SMAP1: variants seen among roughly 807,000 people sequenced by gnomAD.
SMAP1 encodes the protein stromal membrane-associated protein 1.
SMAP1 carries 24 observed loss-of-function variants against 58.5 expected under a neutral mutation model. The observed-to-expected ratio is 0.41, with a 90% CI of 0.30 to 0.58. The LOEUF (loss-of-function observed/expected upper bound fraction) is 0.58, where lower values mean the gene tolerates loss of function less well. Ranked by LOEUF, SMAP1 falls within the 20% of genes least tolerant of loss-of-function variation. The probability of loss-of-function intolerance (pLI) is 0.29; values close to 1 mark genes in which losing one functional copy is unlikely to be tolerated. For missense variants in SMAP1, 563 were observed against 566.3 expected, an observed-to-expected ratio of 0.99 and a Z score of 0.06; for synonymous variants, 216 against 196.6, an observed-to-expected ratio of 1.10 and a Z score of -0.82.
chr6:70,703,080 C>G (rs1767700677), intron 1 of SMAP1, among the ~76,000 whole-genome samples: 2 of 151,298 alleles, frequency 1.3e-5, no homozygotes, highest in African/African-American at 4.9e-5. Flanking sequence ...TTCCTTTTTT[C>G]ACGACTTTTT....
chr6:70,808,853 C>G (rs146870990), intron 6 of SMAP1, among the ~76,000 whole-genome samples: 135 of 149,460 alleles, frequency 9.0e-4, no homozygotes, highest in African/African-American at 3.0e-3. Context: ...AACACAAAGT[C>G]TAATTTAGGA....
intron 6 of SMAP1, among the ~76,000 whole-genome samples, chr6:70,830,949 A>T (rs1043047533): frequency 2.6e-5 from 4 of 152,226 alleles, no homozygotes; most frequent in African/African-American, 9.6e-5. Context: ...TGGATTATTT[A>T]AATTGCCTTG....
At chr6:70,825,468 C>G (rs1309890587) in intron 6 of SMAP1, among the ~76,000 whole-genome samples, 1 of 151,400 alleles carries the variant, frequency 6.6e-6, no homozygotes, top group African/African-American at 2.4e-5. Flanking sequence ...TGTGTAAAAA[C>G]AAGAATAACA....
At chr6:70,728,072 A>G (rs1469877059) in intron 1 of SMAP1, among the ~76,000 whole-genome samples, 3 of 152,120 alleles carry the variant, frequency 2.0e-5, no homozygotes, top group African/African-American at 7.2e-5. Context: ...TCAAAGAAAA[A>G]AAAAAGTGGC....
Position 70,861,810 on chromosome 6 carries a change from A to ACAT in SMAP1, c.*1476_*1477insCAT, listed in dbSNP as rs1771746058. 1.2e-6 allele frequency: 2 copies of ACAT among 1,613,964 alleles called. No homozygotes were observed. On this transcript the variant is annotated 3_prime_UTR_variant, in exon 11 of 11. Coordinates refer to ENST00000370455, the MANE Select transcript of SMAP1 (RefSeq NM_001044305.3). Reference sequence around the variant, plus strand: ...TTCATGGTGACACTCGAGGTCGGGCAGCACAAGTGTAATGAATACCTTAGT... The same window carrying ACAT: ...TTCATGGTGACACTCGAGGTCGGGCACATGCACAAGTGTAATGAATACCTTAGT...
chr6:70,689,783 T>C (rs1767082897), intron 1 of SMAP1, among the ~76,000 whole-genome samples: 1 of 152,190 alleles, frequency 6.6e-6, no homozygotes, highest in Non-Finnish European at 1.5e-5. Flanking sequence ...GCCTTCCTTA[T>C]TTTTTGTTAG....
rs556321153 is a variant in SMAP1 at position 70,675,129 on chromosome 6, C to T, written c.118+6988C>T. Among the ~76,000 whole-genome samples, 3 of 146,226 alleles carry T rather than the reference C, an allele frequency of 2.1e-5. No homozygotes were observed. The South Asian group carries it at 6.4e-4, about 31-fold the overall frequency. On this transcript the variant is annotated intron_variant, in intron 1 of 10. Transcript: ENST00000370455. ...TAGAGATAGGGTAGCTCCATTGTGA[C>T]CTGGAGAATGTTAAAAAAAAAAAAA...
chr6:70,839,559 TAGC>T (rs1770724138), intron 7 of SMAP1, among the ~76,000 whole-genome samples: 1 of 152,200 alleles, frequency 6.6e-6, no homozygotes, highest in Non-Finnish European at 1.5e-5. Flanking sequence ...AAAGTTCATT[TAGC>T]AGGAGAAGTT....
intron 9 of SMAP1, 99 bp from the exon 10 acceptor site, chr6:70,857,823 C>A: frequency 2.3e-6 from 3 of 1,314,642 alleles, no homozygotes; most frequent in Non-Finnish European, 3.2e-6. Flanking sequence ...AAAATGTTTG[C>A]TGTGAGTAGT....
chr6:70,821,546 G>A (rs1204066295), intron 6 of SMAP1, among the ~76,000 whole-genome samples: 1 of 152,146 alleles, frequency 6.6e-6, no homozygotes, highest in Non-Finnish European at 1.5e-5. Context: ...CTTTAAATGA[G>A]TAAATTTAAT....
chr6:70,854,632 A>G (rs1457643934), intron 8 of SMAP1, among the ~76,000 whole-genome samples: 1 of 152,118 alleles, frequency 6.6e-6, no homozygotes, highest in Non-Finnish European at 1.5e-5. Context: ...GGAAAAAAAA[A>G]AAAATCCAGA....
intron 1 of SMAP1, among the ~76,000 whole-genome samples, chr6:70,681,723 T>C (rs1581990541): frequency 1.3e-5 from 2 of 152,156 alleles, no homozygotes; most frequent in East Asian, 3.8e-4. Context: ...AATGAGTACT[T>C]TGAAAACATT....
In SMAP1 at chr6:70,836,906, A is replaced by C. The variant is rs903649236; in HGVS notation, c.577-35A>C. 8 of 1,478,394 alleles carry C rather than the reference A, an allele frequency of 5.4e-6. No individual in the cohort carries two copies. In the African/African-American group the frequency reaches 5.8e-5, roughly 11 times the overall value. 91.6% of individuals were successfully genotyped at this position (1,478,394 alleles called of 1,614,324 possible). The stretch of plus-strand genomic sequence containing the variant: ...CTTAAAATCTTGTTAAATTTACTTA[A>C]GAAAAATTAATAAATCCAATTATTT... On this transcript the variant is annotated intron_variant, in intron 6 of 10. Coordinates refer to ENST00000370455, the MANE Select transcript of SMAP1 (RefSeq NM_001044305.3).
At chr6:70,676,409 C>T (rs541760178) in intron 1 of SMAP1, among the ~76,000 whole-genome samples, 1 of 152,190 alleles carries the variant, frequency 6.6e-6, no homozygotes. Flanking sequence ...CAAGGATGAA[C>T]ATTAGAGGCT....
intron 1 of SMAP1, chr6:70,668,524 A>C (rs917669794): frequency 2.6e-6 from 4 of 1,516,132 alleles, no homozygotes; most frequent in East Asian, 2.5e-5. Flanking sequence ...AGCTCTGCTC[A>C]TAGCTATCTC....
chr6:70,744,608 T>C (rs891155469), intron 2 of SMAP1, among the ~76,000 whole-genome samples: 5 of 152,360 alleles, frequency 3.3e-5, no homozygotes, highest in Admixed American at 2.0e-4. Flanking sequence ...GTCTTTGTTA[T>C]TGTGAATAGT....
At chr6:70,815,723 G>A (rs1034692323) in intron 6 of SMAP1, among the ~76,000 whole-genome samples, 9 of 152,068 alleles carry the variant, frequency 5.9e-5, no homozygotes, top group African/African-American at 2.2e-4. Flanking sequence ...ACTGAAACAG[G>A]ATGATTGCTG....
intron 3 of SMAP1, among the ~76,000 whole-genome samples, chr6:70,757,176 G>T (rs1766528963): frequency 6.6e-6 from 1 of 151,084 alleles, no homozygotes; most frequent in African/African-American, 2.4e-5. Context: ...CAGAGATATA[G>T]ATCAATGGAA....
chr6:70,758,754 G>A (rs1008584102), intron 3 of SMAP1, among the ~76,000 whole-genome samples: 4 of 152,182 alleles, frequency 2.6e-5, no homozygotes, highest in Non-Finnish European at 5.9e-5. Context: ...AACAAGTTGG[G>A]AAAGCTACAT....
Sources: gnomAD v4.1 joint callset for allele counts (sites outside exome capture counted in the v4.1 genomes callset) on GRCh38, gnomAD v4.1.1 for gene constraint, MANE v1.5 for transcripts, NCBI Gene and HGNC (gene_info 2026-07-23, HGNC 2026-07-21) for gene names.